ITGB8: variants seen among roughly 807,000 people sequenced by gnomAD.
ITGB8 encodes the protein integrin subunit beta 8.
A neutral mutation model predicts 89.5 loss-of-function variants in ITGB8; 30 were observed. The observed-to-expected ratio is 0.34, with a 90% CI of 0.25 to 0.45. The LOEUF (loss-of-function observed/expected upper bound fraction) is 0.45, where lower values mean the gene tolerates loss of function less well. Ranked by LOEUF, ITGB8 falls within the 20% of genes least tolerant of loss-of-function variation. The pLI, the probability that ITGB8 is intolerant of heterozygous loss-of-function variation, is 1.00. For synonymous variants in ITGB8, 335 were observed against 320.4 expected (o/e 1.05, Z -0.49); for missense variants, 836 against 933.3 (o/e 0.90, Z 1.36).
chr7:20,380,108 T>A (rs1359726141), intron 4 of ITGB8: 1 of 153,276 alleles, frequency 6.5e-6, no homozygotes, highest in Non-Finnish European at 1.5e-5. Flanking sequence ...CATCCATCAA[T>A]GGAGTTTCAT....
chr7:20,399,823 T>TG (rs965645903), intron 9 of ITGB8, among the ~76,000 whole-genome samples: 9 of 152,186 alleles, frequency 5.9e-5, no homozygotes, highest in African/African-American at 2.2e-4. Context: ...AGTGCAATGA[T>TG]GATTAATTAT....
At chr7:20,367,318 G>T (rs953668262) in intron 3 of ITGB8, 132 bp downstream of exon 3, 35 of 717,974 alleles carry the variant, frequency 4.9e-5, no homozygotes, top group Admixed American at 8.1e-5. Flanking sequence ...TCAGAATCAA[G>T]AAATTAGAAT....
rs1787850110 is a variant in ITGB8 at position 20,413,965 on chromosome 7, T to C, written c.*3968T>C. ...ACATTCTTTCAAATAATTTTCCTTT[T>C]CTTTTATAATTCCTCTATAGCAAAT... On this transcript the variant is annotated 3_prime_UTR_variant, in exon 14 of 14. Transcript: ENST00000222573. 6.6e-6 allele frequency: 1 copy of C among 152,160 alleles called. No individual in the cohort carries two copies. 9.4% of individuals were successfully genotyped at this position (152,160 alleles called of 1,614,324 possible).
At position 20,337,290 on chromosome 7, in the gene ITGB8, AT is replaced by A. The variant is rs370800932; in HGVS notation, c.127+5359del. Among the ~76,000 whole-genome samples the A allele has an allele frequency of 8.3e-4, 126 of 152,124 alleles. 1 individual carries two copies. The highest frequency in any genetic ancestry group is 3.0e-3 in the African/African-American group (123 of 41,530). ...TCATTTTCAACTAAATACTTCAAAAATTACAAAAACTGGAATTTATAGTCAT... is the reference window on the plus strand; with the variant it reads ...TCATTTTCAACTAAATACTTCAAAAATACAAAAACTGGAATTTATAGTCAT... On this transcript the variant is annotated intron_variant, in intron 1 of 13. Coordinates refer to ENST00000222573, the MANE Select transcript of ITGB8 (RefSeq NM_002214.3).
intron 8 of ITGB8, among the ~76,000 whole-genome samples, chr7:20,396,393 A>C (rs569579674): frequency 1.3e-5 from 2 of 151,958 alleles, no homozygotes; most frequent in African/African-American, 4.8e-5. Flanking sequence ...AGATTGCGCC[A>C]CTGCACTCCA....
intron 3 of ITGB8, among the ~76,000 whole-genome samples, chr7:20,375,780 G>A (rs531997266): frequency 6.6e-6 from 1 of 152,078 alleles, no homozygotes; most frequent in African/African-American, 2.4e-5. Context: ...AAAAATATCT[G>A]GAGAGCACAT....
At position 20,410,186 on chromosome 7, in the gene ITGB8, G is replaced by T. The variant is rs754971578; in HGVS notation, c.*189G>T. 1.7e-6 allele frequency: 1 copy of T among 591,854 alleles called. No homozygotes were observed. The highest frequency in any genetic ancestry group is 3.0e-6 in the Non-Finnish European group (1 of 335,818). 36.7% of individuals were successfully genotyped at this position (591,854 alleles called of 1,614,324 possible). On this transcript the variant is annotated 3_prime_UTR_variant, in exon 14 of 14. Coordinates refer to ENST00000222573, the MANE Select transcript of ITGB8 (RefSeq NM_002214.3). ...TCACATAGCTGCTGACTTTTTCAGAGAAAAATGTGTCTTACTACTGTTTGA... is the reference window on the plus strand; with the variant it reads ...TCACATAGCTGCTGACTTTTTCAGATAAAAATGTGTCTTACTACTGTTTGA...
intron 4 of ITGB8, 35 bp downstream of exon 4, chr7:20,379,332 T>G: frequency 2.2e-6 from 3 of 1,391,222 alleles, no homozygotes; most frequent in Non-Finnish European, 2.9e-6. Flanking sequence ...GCTAAATTAA[T>G]TTTTTGCTTA....
chr7:20,348,418 G>A (rs1362661165), intron 1 of ITGB8, among the ~76,000 whole-genome samples: 1 of 152,184 alleles, frequency 6.6e-6, no homozygotes. Flanking sequence ...ATGTTTTAGA[G>A]TTCTTGAATC....
rs985455271 is a variant in ITGB8, at chr7:20,411,974, G to A, written c.*1977G>A. 2 of 152,526 alleles carry A rather than the reference G, an allele frequency of 1.3e-5. No individual in the cohort carries two copies. Among genetic ancestry groups the A allele is most frequent in the Non-Finnish European group, 1.5e-5 (1 of 68,008 alleles). The allele number at this position is 152,526 out of a possible 1,614,324, so 9.4% of individuals were successfully genotyped here. A position where few individuals can be genotyped will look rare whatever the true frequency, so the allele number is the denominator to read the frequency against. On this transcript the variant is annotated 3_prime_UTR_variant, in exon 14 of 14. Coordinates refer to ENST00000222573, the MANE Select transcript of ITGB8 (RefSeq NM_002214.3). ...GCTAGGAGTCTAACAGTCCTGTGTG[G>A]ATATACAGTTTTGCCCATGACAACA...
intron 3 of ITGB8, among the ~76,000 whole-genome samples, chr7:20,371,119 A>T (rs1440215833): frequency 3.3e-5 from 5 of 152,208 alleles, no homozygotes; most frequent in Admixed American, 6.5e-5. Context: ...TTATGATGTT[A>T]GTTTGCCAAA....
intron 3 of ITGB8, among the ~76,000 whole-genome samples, chr7:20,369,050 TC>T (rs1434487740): frequency 1.3e-5 from 2 of 152,158 alleles, no homozygotes; most frequent in Non-Finnish European, 2.9e-5. Flanking sequence ...TGAAAATACT[TC>T]CCAGTTCACA....
chr7:20,389,296 C>G (rs1212130011), intron 6 of ITGB8, among the ~76,000 whole-genome samples: 1 of 152,114 alleles, frequency 6.6e-6, no homozygotes, highest in Non-Finnish European at 1.5e-5. Flanking sequence ...CTGTTGTTTC[C>G]TGACTTTTTA....
At chr7:20,368,135 G>T (rs1303981092) in intron 3 of ITGB8, among the ~76,000 whole-genome samples, 1 of 151,936 alleles carries the variant, frequency 6.6e-6, no homozygotes, top group Non-Finnish European at 1.5e-5. Context: ...TACTTTCTTG[G>T]CCCTGGGCAT....
intron 1 of ITGB8, among the ~76,000 whole-genome samples, chr7:20,345,081 G>A (rs571953214): frequency 1.9e-4 from 29 of 152,162 alleles, no homozygotes; most frequent in Non-Finnish European, 4.0e-4. Context: ...ACTGGAGAAG[G>A]AGGTATGATC....
At chr7:20,347,993 G>C (rs1784986316) in intron 1 of ITGB8, among the ~76,000 whole-genome samples, 1 of 152,198 alleles carries the variant, frequency 6.6e-6, no homozygotes, top group South Asian at 2.1e-4. Context: ...ATTTGCCTTT[G>C]AGTGAGCAAT....
rs377161299 is a variant in ITGB8 at position 20,331,785 on chromosome 7, G to T, written c.-22G>T. On this transcript the variant is annotated 5_prime_UTR_variant, in exon 1 of 14. Transcript: ENST00000222573. Reference sequence around the variant, plus strand: ...TCCGGAAGGCAGTCAGGCGGCGGGCGCGGGGCGGGCTGTTTTGCATTATGT... The same window carrying T: ...TCCGGAAGGCAGTCAGGCGGCGGGCTCGGGGCGGGCTGTTTTGCATTATGT... 1 of 1,604,158 alleles carries T rather than the reference G, an allele frequency of 6.2e-7. No homozygotes were observed. Among genetic ancestry groups the T allele is most frequent in the Non-Finnish European group, 8.5e-7 (1 of 1,175,658 alleles).
rs1784382874 is a variant in ITGB8 at position 20,331,343 on chromosome 7, A to T, written c.-464A>T. 1.0e-5 allele frequency: 4 copies of T among 391,834 alleles called. No homozygotes were observed. The highest frequency in any genetic ancestry group is 1.8e-5 in the Non-Finnish European group (4 of 222,350). 24.3% of individuals were successfully genotyped at this position (391,834 alleles called of 1,614,324 possible). Reference sequence around the variant, plus strand: ...CGGCGTCCCCTCCCACAGATCCAGCATCACCCAGTGAATGTACATTAGGGT... The same window carrying T: ...CGGCGTCCCCTCCCACAGATCCAGCTTCACCCAGTGAATGTACATTAGGGT... On this transcript the variant is annotated 5_prime_UTR_variant, in exon 1 of 14. Coordinates refer to ENST00000222573, the MANE Select transcript of ITGB8 (RefSeq NM_002214.3).
chr7:20,362,623 T>A (rs921736570), intron 1 of ITGB8, among the ~76,000 whole-genome samples: 1 of 152,182 alleles, frequency 6.6e-6, no homozygotes, highest in Admixed American at 6.5e-5. Flanking sequence ...CTTATATATG[T>A]CTCTTCTCTT....
Sources: gnomAD v4.1 joint callset for allele counts (sites outside exome capture counted in the v4.1 genomes callset) on GRCh38, gnomAD v4.1.1 for gene constraint, MANE v1.5 for transcripts, NCBI Gene and HGNC (gene_info 2026-07-23, HGNC 2026-07-21) for gene names.